The following ATP6AP1 variants were observed in gnomAD, a reference collection of about 807,000 sequenced individuals.
ATP6AP1 encodes the protein ATPase H+ transporting accessory protein 1, also known as V-type proton ATPase subunit S1.
ATP6AP1 carries 1 observed loss-of-function variant against 32.0 expected under a neutral mutation model. That is an observed-to-expected ratio of 0.03 (90% CI 0.01 to 0.15). The LOEUF (loss-of-function observed/expected upper bound fraction) is 0.15. Among genes scored for constraint, ATP6AP1 ranks in the 10% least tolerant of loss-of-function variants. ATP6AP1 has a pLI of 1.00. For missense variants in ATP6AP1, 297 were observed against 398.8 expected (o/e 0.74, Z 2.17); for synonymous variants, 187 against 174.9 (o/e 1.07, Z -0.55).
chrX:154,431,679 C>G, intron 2 of ATP6AP1, 151 bp from the exon 3 acceptor site: 2 of 525,570 alleles, frequency 3.8e-6, no homozygotes, highest in Non-Finnish European at 6.6e-6. Context: ...ACCCCACCCC[C>G]ACCAACACAC....
intron 7 of ATP6AP1, among the ~76,000 whole-genome samples, 176 bp from the exon 8 acceptor site, chrX:154,434,963 T>C (rs1603384477): frequency 8.9e-6 from 1 of 111,904 alleles, no homozygotes; most frequent in East Asian, 2.8e-4. Flanking sequence ...TGTTCCGACC[T>C]TGCAATGTGA....
In ATP6AP1 at chrX:154,432,305, G is replaced by T. The variant is rs782520106; in HGVS notation, c.403G>T (p.Ala135Ser). 6.6e-6 allele frequency: 8 copies of T among 1,209,862 alleles called. No individual in the cohort carries two copies. In the African/African-American group the frequency reaches 1.4e-4, roughly 21 times the overall value. The change falls in exon 4 of 10, where the codon GCC becomes TCC. Residue 135 changes from alanine (A) to serine (S), a missense_variant. Coordinates refer to ENST00000369762, the MANE Select transcript of ATP6AP1 (RefSeq NM_001183.6). ...GGCCCCCTCCTCACTGGTGCTTCCT[G>T]CCGTCGACTGGTATGCAGTCAGCAC... ...DLAPSSLVLP[A>S]VDWYAVSTLT...
At position 154,436,039 on chromosome X, in the gene ATP6AP1, C is replaced by G; in HGVS notation, c.*148C>G. ...AGCCCATCTTGCTCCCTCTTCAGCC[C>G]GCTGAGGAGCTTTCTTGGGCTGCCC... On this transcript the variant is annotated 3_prime_UTR_variant, in exon 10 of 10. Coordinates refer to ENST00000369762, the MANE Select transcript of ATP6AP1 (RefSeq NM_001183.6). The G allele has an allele frequency of 1.8e-6, 1 of 559,201 alleles. No individual in the cohort carries two copies. The highest frequency in any genetic ancestry group is 2.9e-6 in the Non-Finnish European group (1 of 349,302). 46.1% of individuals were successfully genotyped at this position (559,201 alleles called of 1,213,427 possible).
chrX:154,430,716 A>T, intron 2 of ATP6AP1: 1 of 111,462 alleles, frequency 9.0e-6, no homozygotes, highest in Non-Finnish European at 1.9e-5. Context: ...TATTTTAGAT[A>T]AGGGTGGTCA....
At position 154,429,108 on chromosome X, in the gene ATP6AP1, C is replaced by G. The variant is rs1557196369; in HGVS notation, c.222C>G (p.Leu74=). 1.7e-6 allele frequency: 2 copies of G among 1,211,961 alleles called. No homozygotes were observed. Among genetic ancestry groups the G allele is most frequent in the Admixed American group, 2.2e-5 (1 of 46,091 alleles). The change falls in exon 2 of 10, where the codon CTC becomes CTG. Residue 74 remains leucine, a synonymous_variant. Coordinates refer to ENST00000369762, the MANE Select transcript of ATP6AP1 (RefSeq NM_001183.6). ...GCCACATCACCAGCGACTTGCAGCT[C>G]TCTACCTACTTAGATCCCGCCCTGG... ...HEGHITSDLQ[L]STYLDPALEL...
In ATP6AP1 at chrX:154,432,442, C is replaced by A. The variant is rs782537350; in HGVS notation, c.540C>A (p.Arg180=). 18 of 1,189,156 alleles carry A rather than the reference C, an allele frequency of 1.5e-5. No individual in the cohort carries two copies. Among genetic ancestry groups the A allele is most frequent in the Non-Finnish European group, 2.0e-5 (18 of 884,107 alleles). Residue 180 remains arginine (R), a synonymous_variant, in exon 4 of 10, where the codon CGC becomes CGA. Transcript: ENST00000369762. ...NASLPALLLI[R]LPYTASSGLM... is the part of the protein sequence containing the mutation. ...GCCTCCCTGCTCTGCTGCTCATTCG[C>A]CTGCCCTACACAGCCAGGTACTGCC...
At position 154,434,262 on chromosome X, in the gene ATP6AP1, A is replaced by C. The variant is rs781928490; in HGVS notation, c.739A>C (p.Lys247Gln). Residue 247 changes from lysine to glutamine, a missense_variant, in exon 7 of 10, where the codon AAA (lysine) becomes CAA (glutamine). Physicochemically the swap from Lys to Gln is moderately conservative, Grantham distance 53 (BLOSUM62 1). This residue lies in a region of ATP6AP1 where 155 missense variants were observed against 253.8 expected (regional missense o/e 0.61). Transcript: ENST00000369762. ...AGGLGRQLLQ[K>Q]QPVSPVIHPP... ...AGGGCTAGGTCGCCAGCTGCTACAA[A>C]AACAGCCAGTATCACCTGTGATCCA... 2 of 1,211,660 alleles carry C rather than the reference A, an allele frequency of 1.7e-6. No homozygotes were observed. The highest frequency in any genetic ancestry group is 2.2e-6 in the Non-Finnish European group (2 of 895,447).
At chrX:154,433,413 A>T (rs1207234335) in intron 5 of ATP6AP1, among the ~76,000 whole-genome samples, 1 of 111,810 alleles carries the variant, frequency 8.9e-6, no homozygotes, top group Non-Finnish European at 1.9e-5. Context: ...TCACATAGGT[A>T]GGGCTTGGCA....
chrX:154,429,203 GGTC>G lies in ATP6AP1; in HGVS notation c.288+30_288+32del. 3.3e-6 allele frequency: 4 copies of G among 1,206,844 alleles called. No individual in the cohort carries two copies. In the South Asian group the frequency reaches 7.1e-5, roughly 21 times the overall value. ...CGCCCGCCCCAGCCCACTCTCCCCC[GGTC>G]ATCGGGAGGCAGCCAGGCCCCCTCC... On this transcript the variant is annotated intron_variant, in intron 2 of 9. Coordinates refer to ENST00000369762, the MANE Select transcript of ATP6AP1 (RefSeq NM_001183.6).
chrX:154,431,507 G>C, intron 2 of ATP6AP1: 2 of 197,766 alleles, frequency 1.0e-5, no homozygotes, highest in Non-Finnish European at 1.8e-5. Flanking sequence ...CAGCTTCCCT[G>C]TTCCCTCCCC....
At chrX:154,432,737 G>C (rs2068700624) in intron 4 of ATP6AP1, among the ~76,000 whole-genome samples, 194 bp from the exon 5 acceptor site, 1 of 112,016 alleles carries the variant, frequency 8.9e-6, no homozygotes, top group Non-Finnish European at 1.9e-5. Context: ...TTGTCACAGA[G>C]CAGGTGGCCA....
intron 2 of ATP6AP1, 173 bp from the exon 3 acceptor site, chrX:154,431,657 G>C (rs1603384057): frequency 2.0e-6 from 1 of 490,573 alleles, no homozygotes; most frequent in African/African-American, 2.4e-5. Flanking sequence ...GGAGGGAAGA[G>C]GTGAGTCTCC....
intron 4 of ATP6AP1, 91 bp from the exon 5 acceptor site, chrX:154,432,840 G>C (rs1225138939): frequency 9.5e-7 from 1 of 1,057,309 alleles, no homozygotes. Context: ...CGTGGGGCTA[G>C]TGGGGAGGAG....
chrX:154,432,449 T>C lies in ATP6AP1; in HGVS notation c.547T>C (p.Tyr183His), dbSNP rs781855202. 2.6e-5 allele frequency: 31 copies of C among 1,183,328 alleles called. No individual in the cohort carries two copies. In the South Asian group the frequency reaches 5.0e-4, roughly 19 times the overall value. Residue 183 changes from tyrosine (Y) to histidine (H), a missense_variant, in exon 4 of 10, where the codon TAC (tyrosine) becomes CAC (histidine). Coordinates refer to ENST00000369762, the MANE Select transcript of ATP6AP1 (RefSeq NM_001183.6). ...LPALLLIRLP[Y>H]TASSGLMAPR... Reference sequence around the variant, plus strand: ...TGCTCTGCTGCTCATTCGCCTGCCCTACACAGCCAGGTACTGCCCGCATGG... The same window carrying C: ...TGCTCTGCTGCTCATTCGCCTGCCCCACACAGCCAGGTACTGCCCGCATGG...
intron 6 of ATP6AP1, 137 bp downstream of exon 6, chrX:154,433,857 C>T (rs1334390456): frequency 2.0e-5 from 13 of 651,799 alleles, no homozygotes; most frequent in African/African-American, 4.5e-5. Flanking sequence ...GCACAGAACC[C>T]CTGTGGTGTG....
chrX:154,428,800 G>A lies in ATP6AP1; in HGVS notation c.108G>A (p.Ala36=), dbSNP rs1603383752. The change falls in exon 1 of 10, where the codon GCG becomes GCA. Residue 36 remains alanine, a synonymous_variant. Transcript: ENST00000369762. ...TGTTTTTGTCGTTGGCGGCGGCGGC[G>A]GCGGCGGCAGCGGCGGAGCAGCAGG... The part of the protein sequence containing the change: ...LPVFLSLAAA[A]AAAAAEQQVP... The A allele has an allele frequency of 1.8e-6, 2 of 1,121,555 alleles. No individual in the cohort carries two copies. The highest frequency in any genetic ancestry group is 3.6e-5 in the East Asian group (1 of 27,681). The allele number at this position is 1,121,555 out of a possible 1,213,427, so 92.4% of individuals were successfully genotyped here. A position where few individuals can be genotyped will look rare whatever the true frequency, so the allele number is the denominator to read the frequency against.
At chrX:154,433,064 C>A in intron 5 of ATP6AP1, 93 bp downstream of exon 5, 1 of 1,022,600 alleles carries the variant, frequency 9.8e-7, no homozygotes, top group Non-Finnish European at 1.4e-6. Flanking sequence ...CCTCCTCACT[C>A]CCAGGGTGGC....
chrX:154,435,738 C>T lies in ATP6AP1; in HGVS notation c.1260C>T (p.Ser420=). ...EQFSYASDCA[S]FFSPGIWMGL... Reference sequence around the variant, plus strand: ...TCTCCTACGCCAGCGACTGTGCCAGCTTCTTCTCCCCCGGCATCTGGATGG... The same window carrying T: ...TCTCCTACGCCAGCGACTGTGCCAGTTTCTTCTCCCCCGGCATCTGGATGG... The change falls in exon 10 of 10, where the codon AGC becomes AGT. Residue 420 remains serine, a synonymous_variant. Transcript: ENST00000369762. 8.3e-7 allele frequency: 1 copy of T among 1,212,096 alleles called. No homozygotes were observed. Among genetic ancestry groups the T allele is most frequent in the East Asian group, 3.0e-5 (1 of 33,882 alleles).
chrX:154,435,290 C>A lies in ATP6AP1; in HGVS notation c.988C>A (p.Arg330Ser). ...CTTCCCCAGGTTCATTCTGGCCAAC[C>A]GCCTCTACCCAGTGTCTGCCCGGCA... The part of the protein sequence containing the change: ...TVTFKFILAN[R>S]LYPVSARHWF... Residue 330 changes from arginine (R) to serine (S), a missense_variant, in exon 9 of 10, where the codon CGC becomes AGC. Arg to Ser is a moderately radical substitution (Grantham distance 110). Around this residue, in one of 2 missense-constraint regions of ATP6AP1, gnomAD observed 155 missense variants for 253.8 expected, o/e 0.61. Transcript: ENST00000369762. The A allele has an allele frequency of 8.3e-7, 1 of 1,211,757 alleles. No homozygotes were observed. Among genetic ancestry groups the A allele is most frequent in the African/African-American group, 1.7e-5 (1 of 57,843 alleles).
Sources: allele counts gnomAD v4.1 joint callset (sites outside exome capture counted in the v4.1 genomes callset), GRCh38; gene constraint gnomAD v4.1.1; regional missense constraint gnomAD v4.1.1; transcripts MANE v1.5; gene names NCBI Gene and HGNC (gene_info 2026-07-23, HGNC 2026-07-21).